EXOC4: variants seen among roughly 807,000 people sequenced by gnomAD.
EXOC4 encodes exocyst complex component 4.
EXOC4 carries 71 observed loss-of-function variants against 107.2 expected under a neutral mutation model. That is an observed-to-expected ratio of 0.66 (90% CI 0.55 to 0.81). The LOEUF is 0.81. Among genes scored for constraint, EXOC4 ranks in the 30% least tolerant of loss-of-function variants. EXOC4 has a pLI of 0.00. For missense variants in EXOC4, 1,108 were observed against 1,189.6 expected, an observed-to-expected ratio of 0.93 and a Z score of 1.01; for synonymous variants, 456 against 441.2, an observed-to-expected ratio of 1.03 and a Z score of -0.42.
chr7:133,900,846 G>A (rs1799435578), intron 12 of EXOC4, among the ~76,000 whole-genome samples: 1 of 152,088 alleles, frequency 6.6e-6, no homozygotes, highest in African/African-American at 2.4e-5. Context: ...ACAAATTCAG[G>A]ATCTCACATT....
At chr7:133,579,245 A>C (rs1483834106) in intron 9 of EXOC4, among the ~76,000 whole-genome samples, 2 of 152,202 alleles carry the variant, frequency 1.3e-5, no homozygotes, top group Admixed American at 6.5e-5. Flanking sequence ...ATACTTTAGC[A>C]TAGTGTATAA....
chr7:133,737,154 G>C (rs142158306), intron 10 of EXOC4, among the ~76,000 whole-genome samples: 6 of 152,242 alleles, frequency 3.9e-5, no homozygotes, highest in African/African-American at 1.4e-4. Context: ...CCTAGTAGCT[G>C]GTCTTTACTA....
intron 17 of EXOC4, among the ~76,000 whole-genome samples, chr7:134,019,023 A>G (rs1166800017): frequency 2.6e-5 from 4 of 152,112 alleles, no homozygotes; most frequent in Non-Finnish European, 1.5e-5. Context: ...TCCGCCTCCC[A>G]GGTTCAAGCG....
At chr7:133,545,953 C>G (rs1800472166) in intron 9 of EXOC4, among the ~76,000 whole-genome samples, 1 of 152,134 alleles carries the variant, frequency 6.6e-6, no homozygotes, top group Non-Finnish European at 1.5e-5. Flanking sequence ...CTATTTCCTG[C>G]TGCTTCAGTT....
intron 7 of EXOC4, among the ~76,000 whole-genome samples, chr7:133,421,770 A>T (rs541092548): frequency 3.9e-5 from 6 of 152,320 alleles, no homozygotes; most frequent in East Asian, 1.9e-4. Flanking sequence ...AAAAATTTTT[A>T]AAAATCTCCT....
chr7:133,392,345 TC>T (rs1436623132), intron 7 of EXOC4, among the ~76,000 whole-genome samples: 1 of 152,216 alleles, frequency 6.6e-6, no homozygotes, highest in Non-Finnish European at 1.5e-5. Context: ...AAATGGAGCT[TC>T]ATTGCCCTGA....
At chr7:134,049,417 T>A (rs1350856868) in intron 17 of EXOC4, among the ~76,000 whole-genome samples, 1 of 152,306 alleles carries the variant, frequency 6.6e-6, no homozygotes, top group Admixed American at 6.5e-5. Flanking sequence ...CCACACCCCA[T>A]GCACTCCAGT....
intron 11 of EXOC4, among the ~76,000 whole-genome samples, chr7:133,842,269 A>C (rs1798038586): frequency 1.3e-5 from 2 of 152,228 alleles, no homozygotes; most frequent in Non-Finnish European, 2.9e-5. Context: ...CATTTTCATC[A>C]GCAGTGTGTA....
intron 10 of EXOC4, among the ~76,000 whole-genome samples, chr7:133,728,377 ATGT>A (rs1795259485): frequency 6.6e-6 from 1 of 152,186 alleles, no homozygotes; most frequent in South Asian, 2.1e-4. Context: ...CTTTGTATTG[ATGT>A]TGTCACATAA....
the EXOC4 span, among the ~76,000 whole-genome samples, chr7:134,094,887 C>T: frequency 6.6e-6 from 1 of 152,098 alleles, no homozygotes; most frequent in Non-Finnish European, 1.5e-5. Flanking sequence ...AAAACCATTT[C>T]TCTTGAGAAG....
At chr7:133,312,794 T>C (rs1328315449) in intron 4 of EXOC4, among the ~76,000 whole-genome samples, 1 of 152,112 alleles carries the variant, frequency 6.6e-6, no homozygotes, top group Non-Finnish European at 1.5e-5. Context: ...TTCTGTAAGA[T>C]GTTTTGGAAG....
chr7:133,412,284 T>G (rs1297348949), intron 7 of EXOC4, among the ~76,000 whole-genome samples: 2 of 144,720 alleles, frequency 1.4e-5, no homozygotes, highest in Admixed American at 7.0e-5. Context: ...TTCAGTTTTT[T>G]TTTTTTTTTT....
intron 12 of EXOC4, among the ~76,000 whole-genome samples, chr7:133,904,434 C>T (rs1799523742): frequency 6.6e-6 from 1 of 152,192 alleles, no homozygotes; most frequent in Non-Finnish European, 1.5e-5. Context: ...ACAGCAAACT[C>T]TATCTCTCTT....
intron 17 of EXOC4, among the ~76,000 whole-genome samples, chr7:134,025,917 G>A (rs184100764): frequency 1.8e-4 from 27 of 152,232 alleles, no homozygotes; most frequent in Admixed American, 9.2e-4. Context: ...ATGAATGACG[G>A]GAGGCATGTT....
chr7:133,661,627 C>T (rs1133540), intron 10 of EXOC4, among the ~76,000 whole-genome samples: 61,810 of 142,470 alleles, frequency 0.43, 14,109 homozygotes, highest in Admixed American at 0.57. Context: ...GAGCTTCGTC[C>T]TTCTGCCTTT....
intron 2 of EXOC4, among the ~76,000 whole-genome samples, chr7:133,286,158 A>G (rs1345133048): frequency 6.6e-6 from 1 of 151,828 alleles, no homozygotes; most frequent in Non-Finnish European, 1.5e-5. Context: ...TAAGTGTTGG[A>G]CCTTTTGGAT....
At chr7:134,003,292 G>C (rs1794571200) in intron 15 of EXOC4, among the ~76,000 whole-genome samples, 1 of 152,180 alleles carries the variant, frequency 6.6e-6, no homozygotes, top group Non-Finnish European at 1.5e-5. Context: ...AAAGGTTTGG[G>C]AGTTGAGTAG....
Position 134,033,803 on chromosome 7 carries a change from A to T in EXOC4, c.2687+25968A>T, listed in dbSNP as rs1795324452. On this transcript the variant is annotated intron_variant, in intron 17 of 17. Coordinates refer to ENST00000253861, the MANE Select transcript of EXOC4 (RefSeq NM_021807.4). The stretch of plus-strand genomic sequence containing the variant: ...AGCTCCAGAGAGAGGGGCATAAAAA[A>T]AAGTCAGCTGGTATCAGACTTATGA... Among the ~76,000 whole-genome samples, 5 of 152,196 alleles carry T rather than the reference A, an allele frequency of 3.3e-5. No individual in the cohort carries two copies. In the South Asian group the frequency reaches 8.3e-4, roughly 25 times the overall value.
chr7:133,841,776 G>A (rs1798029280), intron 11 of EXOC4, among the ~76,000 whole-genome samples: 1 of 152,184 alleles, frequency 6.6e-6, no homozygotes. Context: ...AATAAGCATA[G>A]TACCCAATAG....
Sources: gnomAD v4.1 joint callset for allele counts (sites outside exome capture counted in the v4.1 genomes callset) on GRCh38, gnomAD v4.1.1 for gene constraint, MANE v1.5 for transcripts, NCBI Gene and HGNC (gene_info 2026-07-23, HGNC 2026-07-21) for gene names.